Variants in STYK1 observed in about 807,000 individuals in gnomAD.
STYK1 encodes the protein tyrosine-protein kinase STYK1.
Under a neutral mutation model 48.1 loss-of-function variants are expected in STYK1, and 46 were observed. The observed-to-expected ratio is 0.96, with a 90% CI of 0.75 to 1.22. The LOEUF is 1.22. Ranked by LOEUF, STYK1 falls within the 50% of genes most tolerant of loss-of-function variation. The probability of loss-of-function intolerance (pLI) is 0.00; values close to 1 mark genes in which losing one functional copy is unlikely to be tolerated. For synonymous variants in STYK1, 188 were observed against 189.0 expected (o/e 0.99, Z 0.04); for missense variants, 527 against 521.1 (o/e 1.01, Z -0.11).
At chr12:10,625,508 C>A (rs1947349469) in intron 7 of STYK1, among the ~76,000 whole-genome samples, 1 of 152,064 alleles carries the variant, frequency 6.6e-6, no homozygotes, top group South Asian at 2.1e-4. Context: ...TGAGCCACTG[C>A]ACCCGGCCTG....
intron 1 of STYK1, among the ~76,000 whole-genome samples, chr12:10,664,619 G>A (rs758940272): frequency 1.2e-4 from 18 of 152,110 alleles, no homozygotes; most frequent in South Asian, 6.2e-4. Flanking sequence ...TTTATTGTCC[G>A]TCTGTTTGTA....
intron 1 of STYK1, among the ~76,000 whole-genome samples, chr12:10,666,958 A>G (rs1440830228): frequency 6.6e-6 from 1 of 152,230 alleles, no homozygotes; most frequent in African/African-American, 2.4e-5. Context: ...AGATTTTTCT[A>G]TAACCACAAT....
chr12:10,641,414 T>C (rs907861036), intron 1 of STYK1, among the ~76,000 whole-genome samples: 1 of 152,280 alleles, frequency 6.6e-6, no homozygotes, highest in Admixed American at 6.5e-5. Context: ...CTCTTGGAAG[T>C]CTCCCCCCAT....
intron 1 of STYK1, among the ~76,000 whole-genome samples, chr12:10,665,150 G>T (rs866969436): frequency 6.6e-5 from 10 of 152,186 alleles, no homozygotes; most frequent in Non-Finnish European, 8.8e-5. Context: ...AACACAGCAG[G>T]TTCAACTCTC....
intron 1 of STYK1, among the ~76,000 whole-genome samples, chr12:10,664,364 C>A (rs556257049): frequency 6.6e-6 from 1 of 152,250 alleles, no homozygotes; most frequent in South Asian, 2.1e-4. Flanking sequence ...GAGACCACTG[C>A]TCCCTAGGCA....
chr12:10,658,894 T>C (rs2900513), intron 1 of STYK1, among the ~76,000 whole-genome samples: 85,729 of 152,058 alleles, frequency 0.56, 24,631 homozygotes, highest in East Asian at 0.79. Context: ...ATTTCCTTGT[T>C]AATCATGTCT....
intron 1 of STYK1, among the ~76,000 whole-genome samples, chr12:10,671,394 C>T (rs183930839): frequency 5.2e-4 from 79 of 152,276 alleles, no homozygotes; most frequent in African/African-American, 1.6e-3. Context: ...CTGGAATACT[C>T]AGTGAGTCCA....
intron 1 of STYK1, among the ~76,000 whole-genome samples, chr12:10,650,285 A>G (rs1947648906): frequency 6.6e-6 from 1 of 152,184 alleles, no homozygotes; most frequent in East Asian, 1.9e-4. Context: ...AAAGAATAAA[A>G]GAACCAGTGT....
intron 1 of STYK1, among the ~76,000 whole-genome samples, chr12:10,669,929 C>A (rs1006145889): frequency 1.3e-5 from 2 of 152,022 alleles, no homozygotes; most frequent in African/African-American, 2.4e-5. Flanking sequence ...CCAAAATGAG[C>A]TATTACCTCA....
chr12:10,631,132 T>C lies in STYK1; in HGVS notation c.364A>G (p.Ser122Gly). 6.2e-7 allele frequency: 1 copy of C among 1,614,206 alleles called. No homozygotes were observed. The highest frequency in any genetic ancestry group is 8.5e-7 in the Non-Finnish European group (1 of 1,180,044). The change falls in exon 5 of 11, where the codon AGT becomes GGT. Residue 122 changes from serine to glycine, a missense_variant. Ser to Gly is a moderately conservative substitution (Grantham distance 56). Transcript: ENST00000075503. ...QLSEVLEQICSGSCGPIFRAN... is the reference protein window; with the variant it reads ...QLSEVLEQICGGSCGPIFRAN... ...CGAAAGATGGGCCCACAGCTACCAC[T>C]GCAAATCTGCTCCAGAACTTCAGAG...
At chr12:10,628,665 A>G (rs927413852) in intron 6 of STYK1, among the ~76,000 whole-genome samples, 3 of 152,204 alleles carry the variant, frequency 2.0e-5, no homozygotes, top group African/African-American at 7.2e-5. Flanking sequence ...CAAGTGAGAA[A>G]CTAGGGAAAC....
intron 9 of STYK1, 104 bp downstream of exon 9, chr12:10,622,534 C>T (rs533716796): frequency 1.6e-6 from 2 of 1,289,382 alleles, no homozygotes; most frequent in Admixed American, 1.8e-5. Flanking sequence ...CAAGCTTCAG[C>T]ACTGTACTGA....
intron 1 of STYK1, among the ~76,000 whole-genome samples, chr12:10,665,053 T>G (rs747149500): frequency 4.6e-5 from 7 of 152,134 alleles, no homozygotes; most frequent in Non-Finnish European, 1.0e-4. Context: ...TCCCTAAGTA[T>G]GAAATATGGG....
At chr12:10,666,268 A>T (rs1947832856) in intron 1 of STYK1, among the ~76,000 whole-genome samples, 1 of 152,186 alleles carries the variant, frequency 6.6e-6, no homozygotes, top group Non-Finnish European at 1.5e-5. Context: ...CTTGACATAC[A>T]ATTGGTCCTG....
chr12:10,627,867 G>T, intron 6 of STYK1, 143 bp from the exon 7 acceptor site: 1 of 616,406 alleles, frequency 1.6e-6, no homozygotes, highest in Non-Finnish European at 2.7e-6. Context: ...GTGAGGCTGT[G>T]GGAGATTTTC....
At chr12:10,626,668 A>C (rs777257791) in intron 7 of STYK1, among the ~76,000 whole-genome samples, 7 of 152,146 alleles carry the variant, frequency 4.6e-5, no homozygotes, top group Non-Finnish European at 1.0e-4. Flanking sequence ...GGTAAAGGTA[A>C]ATTTTTTATC....
chr12:10,632,575 G>T (rs1947441668), intron 4 of STYK1, among the ~76,000 whole-genome samples: 1 of 152,108 alleles, frequency 6.6e-6, no homozygotes, highest in Non-Finnish European at 1.5e-5. Flanking sequence ...GCATGTGTGT[G>T]TGTGGAAGAG....
intron 1 of STYK1, among the ~76,000 whole-genome samples, chr12:10,659,682 T>C (rs1369841198): frequency 6.6e-6 from 1 of 152,178 alleles, no homozygotes; most frequent in East Asian, 1.9e-4. Context: ...TTTTTAAAAG[T>C]CTTATCTGAA....
intron 1 of STYK1, among the ~76,000 whole-genome samples, chr12:10,641,555 T>C (rs896856872): frequency 5.9e-5 from 9 of 152,182 alleles, no homozygotes; most frequent in Non-Finnish European, 8.8e-5. Flanking sequence ...TAGGGGCACA[T>C]ATATACATAC....
Sources: allele counts gnomAD v4.1 joint callset (sites outside exome capture counted in the v4.1 genomes callset), GRCh38; gene constraint gnomAD v4.1.1; transcripts MANE v1.5; gene names NCBI Gene and HGNC (gene_info 2026-07-23, HGNC 2026-07-21).